The following BICC1 variants were observed in gnomAD, a reference collection of about 807,000 sequenced individuals.
BICC1 encodes protein bicaudal C homolog 1.
BICC1 carries 43 observed loss-of-function variants against 111.0 expected under a neutral mutation model. The observed-to-expected ratio is 0.39, with a 90% CI of 0.30 to 0.50. The LOEUF (loss-of-function observed/expected upper bound fraction) is 0.50, where lower values mean the gene tolerates loss of function less well. Among genes scored for constraint, BICC1 ranks in the 20% least tolerant of loss-of-function variants. The pLI is 0.88. For missense variants in BICC1, 1,091 were observed against 1,203.2 expected (o/e 0.91, Z 1.38); for synonymous variants, 467 against 434.4 (o/e 1.07, Z -0.93).
intron 2 of BICC1, among the ~76,000 whole-genome samples, chr10:58,670,398 C>A (rs10826216): frequency 0.24 from 37,070 of 151,956 alleles, 5,657 homozygotes; most frequent in African/African-American, 0.44. Flanking sequence ...CGATATAGAC[C>A]ATTATTATCA....
chr10:58,599,104 G>C (rs1844936078), intron 1 of BICC1, among the ~76,000 whole-genome samples: 1 of 152,130 alleles, frequency 6.6e-6, no homozygotes, highest in Non-Finnish European at 1.5e-5. Flanking sequence ...ATTCCTCAAG[G>C]ATATAGAACC....
chr10:58,805,242 G>A (rs1843673652), intron 15 of BICC1, among the ~76,000 whole-genome samples: 1 of 151,790 alleles, frequency 6.6e-6, no homozygotes, highest in African/African-American at 2.4e-5. Context: ...GCAGTGACCT[G>A]AGATTGCACC....
intron 1 of BICC1, among the ~76,000 whole-genome samples, chr10:58,545,993 G>A (rs1402159899): frequency 2.0e-5 from 3 of 152,086 alleles, no homozygotes; most frequent in Non-Finnish European, 4.4e-5. Flanking sequence ...TTTATATCTT[G>A]TTTTATCTAT....
intron 3 of BICC1, among the ~76,000 whole-genome samples, chr10:58,758,884 C>G (rs2132672394): frequency 6.6e-6 from 1 of 151,222 alleles, no homozygotes; most frequent in African/African-American, 2.4e-5. Flanking sequence ...TGGCCACTTG[C>G]TTAAGTCCAA....
chr10:58,690,729 T>G (rs2132407452), intron 2 of BICC1, among the ~76,000 whole-genome samples: 1 of 152,318 alleles, frequency 6.6e-6, no homozygotes, highest in South Asian at 2.1e-4. Flanking sequence ...TGCTGATCTG[T>G]TATTACTCAT....
chr10:58,792,370 G>C (rs1204442586), intron 8 of BICC1, among the ~76,000 whole-genome samples: 1 of 152,162 alleles, frequency 6.6e-6, no homozygotes, highest in Non-Finnish European at 1.5e-5. Context: ...ATTTATATTG[G>C]TGAAGAAGCT....
intron 1 of BICC1, among the ~76,000 whole-genome samples, chr10:58,521,796 T>G (rs924516014): frequency 1.4e-5 from 1 of 73,952 alleles, no homozygotes; most frequent in Non-Finnish European, 2.7e-5. Flanking sequence ...TTTTTTTTTT[T>G]TTTTTTTTTT....
chr10:58,800,447 CA>C lies in BICC1; in HGVS notation c.1858+123del, dbSNP rs1187267337. ...TAAACAGCTATCATTCATCCTACCT[CA>C]ATTATGTGGAAAGACAACATCCTGA... On this transcript the variant is annotated intron_variant, in intron 13 of 20. Transcript: ENST00000373886. 12 of 901,418 alleles carry C rather than the reference CA, an allele frequency of 1.3e-5. No homozygotes were observed. In the African/African-American group the frequency reaches 2.0e-4, roughly 15 times the overall value. 55.8% of individuals were successfully genotyped at this position (901,418 alleles called of 1,614,324 possible).
At chr10:58,634,011 T>C (rs1837879126) in intron 2 of BICC1, among the ~76,000 whole-genome samples, 1 of 149,162 alleles carries the variant, frequency 6.7e-6, no homozygotes, top group Non-Finnish European at 1.5e-5. Context: ...TTTTTTTTTT[T>C]TAGATGGAGT....
chr10:58,587,816 T>C (rs979383148), intron 1 of BICC1, among the ~76,000 whole-genome samples: 2 of 152,202 alleles, frequency 1.3e-5, no homozygotes, highest in Non-Finnish European at 2.9e-5. Context: ...CCCATTAAGC[T>C]TATGGGTTTC....
intron 2 of BICC1, among the ~76,000 whole-genome samples, chr10:58,658,327 G>A (rs1386931716): frequency 6.6e-6 from 1 of 151,968 alleles, no homozygotes; most frequent in East Asian, 1.9e-4. Context: ...AGGTGGGATT[G>A]TAGGTGCACG....
intron 20 of BICC1, among the ~76,000 whole-genome samples, chr10:58,824,362 T>C (rs1220957479): frequency 6.6e-6 from 1 of 152,224 alleles, no homozygotes; most frequent in African/African-American, 2.4e-5. Context: ...AAAGTGCTTG[T>C]CATACAATAA....
chr10:58,794,845 A>G (rs1018758197), intron 9 of BICC1, among the ~76,000 whole-genome samples: 1 of 152,210 alleles, frequency 6.6e-6, no homozygotes, highest in African/African-American at 2.4e-5. Flanking sequence ...TTATTCTAAG[A>G]TATTGATTAC....
At chr10:58,525,287 A>G (rs1268262209) in intron 1 of BICC1, among the ~76,000 whole-genome samples, 1 of 118,692 alleles carries the variant, frequency 8.4e-6, no homozygotes, top group Non-Finnish European at 1.9e-5. Flanking sequence ...GGCACTATTC[A>G]CAATAGCAAA....
chr10:58,739,060 A>G (rs1841568648), intron 3 of BICC1, among the ~76,000 whole-genome samples: 1 of 151,982 alleles, frequency 6.6e-6, no homozygotes, highest in African/African-American at 2.4e-5. Context: ...TCTTTTCCTA[A>G]TTGAATACCC....
chr10:58,692,677 C>T (rs1486572450), intron 2 of BICC1, among the ~76,000 whole-genome samples: 2 of 152,104 alleles, frequency 1.3e-5, no homozygotes, highest in East Asian at 3.9e-4. Flanking sequence ...TACAATAAGG[C>T]GAGAGCATCT....
rs113223422 is a variant in BICC1, at chr10:58,539,086, G to T, written c.190+25753G>T. Among the ~76,000 whole-genome samples, 774 of 151,640 alleles carry T rather than the reference G, an allele frequency of 5.1e-3. 4 individuals carry two copies. The highest frequency in any genetic ancestry group is 0.018 in the African/African-American group (738 of 41,428). On this transcript the variant is annotated intron_variant, in intron 1 of 20. Transcript: ENST00000373886. The stretch of plus-strand genomic sequence containing the variant: ...GGAAAGGAAATCAATATATAAAAAA[G>T]ACATATTTATCACAGCACAGTTCAC...
At chr10:58,754,754 G>GTGTGTA (rs1382809610) in intron 3 of BICC1, among the ~76,000 whole-genome samples, 5 of 110,818 alleles carry the variant, frequency 4.5e-5, no homozygotes, top group African/African-American at 1.8e-4. Flanking sequence ...GTGAGGGGGG[G>GTGTGTA]TGTGTATGTG....
At chr10:58,822,918 A>G (rs1189679848) in intron 20 of BICC1, among the ~76,000 whole-genome samples, 1 of 152,124 alleles carries the variant, frequency 6.6e-6, no homozygotes, top group Admixed American at 6.6e-5. Context: ...GTAGATTTTA[A>G]ACTTATAATC....
Sources: allele counts gnomAD v4.1 joint callset (sites outside exome capture counted in the v4.1 genomes callset), GRCh38; gene constraint gnomAD v4.1.1; transcripts MANE v1.5; gene names NCBI Gene and HGNC (gene_info 2026-07-23, HGNC 2026-07-21).